Variants in ANGPT1 observed in about 807,000 individuals in gnomAD.
ANGPT1 encodes angiopoietin 1.
Under a neutral mutation model 62.2 loss-of-function variants are expected in ANGPT1, and 17 were observed. The observed-to-expected ratio is 0.27, with a 90% CI of 0.19 to 0.41. The LOEUF (loss-of-function observed/expected upper bound fraction) is 0.41, where lower values mean the gene tolerates loss of function less well. Among genes scored for constraint, ANGPT1 ranks in the 10% least tolerant of loss-of-function variants. The pLI is 1.00. For synonymous variants in ANGPT1, 199 were observed against 198.9 expected, an observed-to-expected ratio of 1.00 and a Z score of 0.00; for missense variants, 478 against 594.9, an observed-to-expected ratio of 0.80 and a Z score of 2.04.
At chr8:107,260,600 A>G (rs1813469358) in intron 8 of ANGPT1, among the ~76,000 whole-genome samples, 1 of 152,232 alleles carries the variant, frequency 6.6e-6, no homozygotes, top group Non-Finnish European at 1.5e-5. Context: ...GCAATACTCC[A>G]GTTACCTGGA....
At chr8:107,279,621 A>C (rs1019761871) in intron 7 of ANGPT1, among the ~76,000 whole-genome samples, 1 of 152,154 alleles carries the variant, frequency 6.6e-6, no homozygotes, top group African/African-American at 2.4e-5. Flanking sequence ...GGTGTATAGT[A>C]TGTGTGCCTC....
rs147288889 is a variant in ANGPT1 at position 107,488,065 on chromosome 8, C to T, written c.297+9197G>A. On this transcript the variant is annotated intron_variant, in intron 1 of 8. Transcript: ENST00000517746. ...GGATTAGATAAATTATAGAATTTGC[C>T]GCTAATTAACCAAGAGTACTCTATT... Among the ~76,000 whole-genome samples, 840 of 152,016 alleles carry T rather than the reference C, an allele frequency of 5.5e-3. 6 individuals are homozygous for T. Among genetic ancestry groups the T allele is most frequent in the African/African-American group, 0.019 (786 of 41,466 alleles).
intron 5 of ANGPT1, 23 bp downstream of exon 5, chr8:107,303,217 T>C (rs761548444): frequency 6.2e-6 from 10 of 1,606,888 alleles, no homozygotes; most frequent in Non-Finnish European, 7.7e-6. Context: ...TTACATCTTG[T>C]AAACAAACAC....
chr8:107,407,268 G>GTT (rs5893857), intron 1 of ANGPT1, among the ~76,000 whole-genome samples: 8,907 of 149,132 alleles, frequency 0.06, 295 homozygotes, highest in South Asian at 0.12. Flanking sequence ...TGTAGACCAT[G>GTT]TTTTTTTTTT....
chr8:107,464,869 G>A (rs28477973), intron 1 of ANGPT1, among the ~76,000 whole-genome samples: 3,730 of 152,066 alleles, frequency 0.025, 132 homozygotes, highest in African/African-American at 0.082. Context: ...GTGGGGTGGC[G>A]GTGGAGGACT....
chr8:107,380,636 C>T (rs1816618728), intron 1 of ANGPT1, among the ~76,000 whole-genome samples: 1 of 152,000 alleles, frequency 6.6e-6, no homozygotes. Context: ...ATTATTGTTT[C>T]AACCAATAGC....
intron 1 of ANGPT1, 25 bp from the exon 2 acceptor site, chr8:107,347,122 T>C: frequency 6.3e-7 from 1 of 1,597,042 alleles, no homozygotes; most frequent in African/African-American, 1.3e-5. Flanking sequence ...GAACAAAACA[T>C]ATTACATTAT....
At chr8:107,438,034 C>G (rs949580933) in intron 1 of ANGPT1, among the ~76,000 whole-genome samples, 1 of 152,110 alleles carries the variant, frequency 6.6e-6, no homozygotes, top group Non-Finnish European at 1.5e-5. Context: ...GCCTCAAAGT[C>G]CATACTGAAC....
intron 1 of ANGPT1, among the ~76,000 whole-genome samples, chr8:107,458,459 T>C (rs923765458): frequency 4.6e-5 from 7 of 151,998 alleles, no homozygotes; most frequent in African/African-American, 7.2e-5. Flanking sequence ...GTCAAAAGAG[T>C]AGAAGTATAC....
intron 7 of ANGPT1, among the ~76,000 whole-genome samples, chr8:107,278,553 C>A (rs974405940): frequency 1.3e-5 from 2 of 152,178 alleles, no homozygotes; most frequent in Admixed American, 1.3e-4. Flanking sequence ...GAATCCCCTT[C>A]ATTGTAAGGT....
chr8:107,317,851 G>A (rs1338822931), intron 4 of ANGPT1, among the ~76,000 whole-genome samples: 3 of 151,992 alleles, frequency 2.0e-5, no homozygotes, highest in African/African-American at 7.2e-5. Context: ...AGCTGGTCTT[G>A]AACTTCTGAC....
At chr8:107,322,434 C>T (rs11781223) in intron 3 of ANGPT1, among the ~76,000 whole-genome samples, 28,681 of 152,064 alleles carry the variant, frequency 0.19, 3,016 homozygotes, top group East Asian at 0.34. Flanking sequence ...CAAATAGCTA[C>T]ACTCTAAAGA....
intron 2 of ANGPT1, among the ~76,000 whole-genome samples, chr8:107,337,979 C>T (rs1018169737): frequency 6.6e-6 from 1 of 152,088 alleles, no homozygotes; most frequent in Non-Finnish European, 1.5e-5. Context: ...GCCTGTAGTC[C>T]CAGCTACTCA....
intron 7 of ANGPT1, among the ~76,000 whole-genome samples, chr8:107,272,454 A>C (rs1426545546): frequency 1.3e-5 from 2 of 152,038 alleles, no homozygotes. Flanking sequence ...CTTCACTTAC[A>C]AACATTAATA....
intron 7 of ANGPT1, among the ~76,000 whole-genome samples, chr8:107,268,405 G>GTT (rs1434112810): frequency 1.7e-5 from 2 of 116,448 alleles, no homozygotes. Flanking sequence ...CACATGTAGG[G>GTT]TTGTGTGTGT....
At chr8:107,325,400 C>T (rs1057434989) in intron 3 of ANGPT1, among the ~76,000 whole-genome samples, 13 of 152,042 alleles carry the variant, frequency 8.6e-5, no homozygotes, top group East Asian at 7.7e-4. Flanking sequence ...AATTCATAGG[C>T]GTTATAGTCT....
At chr8:107,270,862 A>C (rs1813717657) in intron 7 of ANGPT1, among the ~76,000 whole-genome samples, 1 of 152,068 alleles carries the variant, frequency 6.6e-6, no homozygotes, top group Non-Finnish European at 1.5e-5. Flanking sequence ...TTTCCAAAGA[A>C]AAGAGGATGT....
At chr8:107,342,027 G>A (rs1815706690) in intron 2 of ANGPT1, among the ~76,000 whole-genome samples, 1 of 152,062 alleles carries the variant, frequency 6.6e-6, no homozygotes, top group Non-Finnish European at 1.5e-5. Flanking sequence ...AGTAAGGAAG[G>A]AGTCCAAATT....
intron 1 of ANGPT1, among the ~76,000 whole-genome samples, chr8:107,383,245 A>G (rs539492902): frequency 2.0e-5 from 3 of 152,252 alleles, no homozygotes; most frequent in South Asian, 2.1e-4. Context: ...CTTCATCTCA[A>G]TCAATGGTTG....
Sources: allele counts gnomAD v4.1 joint callset (sites outside exome capture counted in the v4.1 genomes callset), GRCh38; gene constraint gnomAD v4.1.1; transcripts MANE v1.5; gene names NCBI Gene and HGNC (gene_info 2026-07-23, HGNC 2026-07-21).